KCNK2: variants seen among roughly 807,000 people sequenced by gnomAD.
KCNK2 encodes the protein potassium channel subfamily K member 2.
In KCNK2, 21 loss-of-function variants were observed where a neutral mutation model predicts 40.5. The observed-to-expected ratio is 0.52, with a 90% CI of 0.37 to 0.75. The LOEUF is 0.75. KCNK2 is among the 30% of genes least tolerant of loss of function. The probability of loss-of-function intolerance (pLI) is 0.00; values close to 1 mark genes in which losing one functional copy is unlikely to be tolerated. For missense variants in KCNK2, 399 were observed against 531.6 expected, an observed-to-expected ratio of 0.75 and a Z score of 2.45; for synonymous variants, 191 against 202.2, an observed-to-expected ratio of 0.94 and a Z score of 0.47.
At chr1:215,147,954 T>C (rs1662500396) in intron 3 of KCNK2, among the ~76,000 whole-genome samples, 1 of 152,156 alleles carries the variant, frequency 6.6e-6, no homozygotes, top group African/African-American at 2.4e-5. Flanking sequence ...TATGTTGCTC[T>C]TTTTTCTCAT....
chr1:215,086,040 C>T (rs932109003), intron 1 of KCNK2, among the ~76,000 whole-genome samples: 6 of 152,028 alleles, frequency 3.9e-5, no homozygotes, highest in East Asian at 1.9e-4. Context: ...CTTTGTGGAC[C>T]GGCACAGTGG....
chr1:215,115,025 GTGT>G (rs1660867294), intron 2 of KCNK2, among the ~76,000 whole-genome samples: 7 of 130,504 alleles, frequency 5.4e-5, no homozygotes, highest in African/African-American at 2.0e-4. Flanking sequence ...GTGTGTGTGT[GTGT>G]ACAAAGCTTG....
intron 1 of KCNK2, among the ~76,000 whole-genome samples, chr1:215,031,106 T>G (rs1207237472): frequency 6.6e-6 from 1 of 152,218 alleles, no homozygotes; most frequent in Non-Finnish European, 1.5e-5. Flanking sequence ...GATTGATTTG[T>G]CTATTCTTTC....
intron 3 of KCNK2, among the ~76,000 whole-genome samples, chr1:215,155,741 C>T (rs1484891749): frequency 6.6e-6 from 1 of 151,992 alleles, no homozygotes; most frequent in African/African-American, 2.4e-5. Flanking sequence ...GGTTGGTCTC[C>T]ATCTCTTGAC....
At chr1:215,142,406 A>G (rs1045474015) in intron 3 of KCNK2, among the ~76,000 whole-genome samples, 1 of 152,148 alleles carries the variant, frequency 6.6e-6, no homozygotes, top group African/African-American at 2.4e-5. Context: ...ATTAAAATAG[A>G]CAAAAATTTA....
At chr1:215,205,962 T>C (rs1665299364) in intron 6 of KCNK2, among the ~76,000 whole-genome samples, 1 of 152,224 alleles carries the variant, frequency 6.6e-6, no homozygotes, top group Admixed American at 6.5e-5. Flanking sequence ...TCTGACAGGC[T>C]TAGGTGTATT....
chr1:215,057,012 A>C (rs1322354874), intron 1 of KCNK2, among the ~76,000 whole-genome samples: 1 of 152,200 alleles, frequency 6.6e-6, no homozygotes, highest in Non-Finnish European at 1.5e-5. Flanking sequence ...CTTAACCTCT[A>C]TCTAGCTAAG....
At chr1:215,021,930 A>G (rs1298788002) in intron 1 of KCNK2, among the ~76,000 whole-genome samples, 1 of 152,056 alleles carries the variant, frequency 6.6e-6, no homozygotes, top group Admixed American at 6.5e-5. Context: ...AGCAGTACTC[A>G]GTTTCTTAGG....
chr1:215,159,678 A>T (rs1663106593), intron 3 of KCNK2, among the ~76,000 whole-genome samples: 1 of 152,026 alleles, frequency 6.6e-6, no homozygotes, highest in Non-Finnish European at 1.5e-5. Context: ...TTTTTTCCTG[A>T]TACTATAACT....
chr1:215,051,752 T>C (rs1657997620), intron 1 of KCNK2, among the ~76,000 whole-genome samples: 1 of 152,080 alleles, frequency 6.6e-6, no homozygotes, highest in South Asian at 2.1e-4. Flanking sequence ...TAGAGTGAAG[T>C]GTGTGGCATG....
chr1:215,070,433 A>T (rs1002080229), intron 1 of KCNK2, among the ~76,000 whole-genome samples: 11 of 151,500 alleles, frequency 7.3e-5, no homozygotes, highest in African/African-American at 2.7e-4. Context: ...AAAAAAAAAA[A>T]AAAAAAAGGA....
chr1:215,154,565 G>A (rs1662829849), intron 3 of KCNK2, among the ~76,000 whole-genome samples: 2 of 152,032 alleles, frequency 1.3e-5, no homozygotes. Context: ...CTTTTGTTGT[G>A]TAGAAGCTCT....
At position 215,035,555 on chromosome 1, in the gene KCNK2, A is replaced by G. The variant is rs901984950; in HGVS notation, c.34+29600A>G. Among the ~76,000 whole-genome samples the G allele has an allele frequency of 5.9e-5, 9 of 152,042 alleles. No individual in the cohort carries two copies. The South Asian group carries it at 1.7e-3, about 28-fold the overall frequency. ...TGCCTTCTTTCACCTGGCAAAATAT[A>G]CTTAAGGTTTATCCACGTTGTTACA... On this transcript the variant is annotated intron_variant, in intron 1 of 6. Transcript: ENST00000391895.
At chr1:215,198,235 GC>G (rs1396793210) in intron 6 of KCNK2, among the ~76,000 whole-genome samples, 1 of 152,088 alleles carries the variant, frequency 6.6e-6, no homozygotes, top group Non-Finnish European at 1.5e-5. Context: ...TCTGTCGAAA[GC>G]TCCCATGAGT....
upstream of KCNK2, among the ~76,000 whole-genome samples, chr1:215,078,042 T>G (rs1659009934): frequency 6.6e-6 from 1 of 152,222 alleles, no homozygotes; most frequent in African/African-American, 2.4e-5. Context: ...TTTGGCTTCC[T>G]TGGGCCACAT....
At chr1:215,168,913 A>G (rs1314330088) in intron 3 of KCNK2, among the ~76,000 whole-genome samples, 3 of 152,134 alleles carry the variant, frequency 2.0e-5, no homozygotes, top group African/African-American at 4.8e-5. Context: ...ATTTTGAAAA[A>G]ATAATAATGA....
chr1:215,157,219 C>T (rs945667123), intron 3 of KCNK2, among the ~76,000 whole-genome samples: 6 of 152,164 alleles, frequency 3.9e-5, no homozygotes, highest in African/African-American at 1.4e-4. Context: ...CTCTAGCCAC[C>T]ATTATACTGA....
At chr1:215,121,671 G>A (rs757258244) in intron 2 of KCNK2, among the ~76,000 whole-genome samples, 9 of 152,176 alleles carry the variant, frequency 5.9e-5, no homozygotes, top group Non-Finnish European at 1.2e-4. Context: ...AATGAAGTCT[G>A]CCAGCAGCTA....
intron 1 of KCNK2, among the ~76,000 whole-genome samples, chr1:215,052,029 G>T (rs1658008207): frequency 6.6e-6 from 1 of 152,162 alleles, no homozygotes; most frequent in Non-Finnish European, 1.5e-5. Flanking sequence ...TGTGCCAGGT[G>T]GCTGCTCTAG....
Sources: allele counts gnomAD v4.1 joint callset (sites outside exome capture counted in the v4.1 genomes callset), GRCh38; gene constraint gnomAD v4.1.1; transcripts MANE v1.5; gene names NCBI Gene and HGNC (gene_info 2026-07-23, HGNC 2026-07-21).